The following TOX3 variants were observed in gnomAD, a reference collection of about 807,000 sequenced individuals.
TOX3 encodes the protein TOX high mobility group box family member 3.
Under a neutral mutation model 64.3 loss-of-function variants are expected in TOX3, and 22 were observed. The ratio of observed to expected loss-of-function variants is 0.34; its 90% confidence interval spans 0.24 to 0.49. TOX3 has a LOEUF of 0.49. Ranked by LOEUF, TOX3 falls within the 20% of genes least tolerant of loss-of-function variation. TOX3 has a pLI of 0.99. For missense variants in TOX3, 661 were observed against 714.4 expected, an observed-to-expected ratio of 0.93 and a Z score of 0.85; for synonymous variants, 291 against 273.6, an observed-to-expected ratio of 1.06 and a Z score of -0.63.
rs143194771 is a variant in TOX3 at position 52,506,564 on chromosome 16, G to T, written c.88-37990C>A. On this transcript the variant is annotated intron_variant, in intron 1 of 6. Coordinates refer to ENST00000219746, the MANE Select transcript of TOX3 (RefSeq NM_001080430.4). ...TTAAAGAAGGGGGGTTTCTAGACAG[G>T]AATAGAACCCACAGAGTCATGGAAG... Among the ~76,000 whole-genome samples, 914 of 152,074 alleles carry T rather than the reference G, an allele frequency of 6.0e-3. 7 individuals are homozygous for T. The highest frequency in any genetic ancestry group is 0.02 in the African/African-American group (822 of 41,474).
intron 1 of TOX3, among the ~76,000 whole-genome samples, chr16:52,503,932 T>A (rs1274861062): frequency 6.6e-6 from 1 of 152,208 alleles, no homozygotes. Context: ...GCTTTATCAT[T>A]GTTTGTAAAA....
intron 1 of TOX3, among the ~76,000 whole-genome samples, chr16:52,534,458 T>C (rs781660151): frequency 6.6e-6 from 1 of 151,996 alleles, no homozygotes; most frequent in Non-Finnish European, 1.5e-5. Context: ...GTCAACATAG[T>C]GAGACCCCAT....
At chr16:52,493,493 T>C (rs1567334096) in intron 1 of TOX3, among the ~76,000 whole-genome samples, 1 of 152,190 alleles carries the variant, frequency 6.6e-6, no homozygotes, top group Non-Finnish European at 1.5e-5. Flanking sequence ...AGCAATAAGG[T>C]ACATTTTATG....
intron 1 of TOX3, among the ~76,000 whole-genome samples, chr16:52,491,065 T>C (rs946355918): frequency 6.6e-6 from 1 of 152,180 alleles, no homozygotes; most frequent in African/African-American, 2.4e-5. Flanking sequence ...ACTTCCACAG[T>C]TACCCACAGC....
chr16:52,488,531 T>C (rs1319766933), intron 1 of TOX3, among the ~76,000 whole-genome samples: 2 of 152,212 alleles, frequency 1.3e-5, no homozygotes, highest in African/African-American at 4.8e-5. Flanking sequence ...AAGAAGTGTT[T>C]GGATGCAATT....
chr16:52,473,444 C>T (rs1419045964), intron 1 of TOX3, among the ~76,000 whole-genome samples: 2 of 152,182 alleles, frequency 1.3e-5, no homozygotes, highest in Admixed American at 6.5e-5. Flanking sequence ...CAACTTGATG[C>T]CTCACTATGG....
At chr16:52,457,020 A>G (rs1365352949) in intron 3 of TOX3, among the ~76,000 whole-genome samples, 1 of 152,254 alleles carries the variant, frequency 6.6e-6, no homozygotes, top group East Asian at 1.9e-4. Context: ...TTTGTACTTC[A>G]TATGAAGATA....
intron 1 of TOX3, among the ~76,000 whole-genome samples, chr16:52,543,913 T>G (rs1234601847): frequency 6.6e-6 from 1 of 152,152 alleles, no homozygotes; most frequent in Admixed American, 6.5e-5. Context: ...TGGTCATTTG[T>G]TAAAGAGAGT....
intron 3 of TOX3, 28 bp from the exon 4 acceptor site, chr16:52,450,574 A>T: frequency 1.9e-6 from 3 of 1,612,524 alleles, no homozygotes; most frequent in Non-Finnish European, 2.5e-6. Flanking sequence ...AAGGGGGAAA[A>T]TATTTCAGCT....
chr16:52,452,733 A>G (rs893621773), intron 3 of TOX3, among the ~76,000 whole-genome samples: 1 of 152,198 alleles, frequency 6.6e-6, no homozygotes, highest in Admixed American at 6.5e-5. Flanking sequence ...AAAACACTTT[A>G]ATCAGAAAAA....
At chr16:52,475,837 C>T (rs1215388156) in intron 1 of TOX3, among the ~76,000 whole-genome samples, 3 of 152,114 alleles carry the variant, frequency 2.0e-5, no homozygotes, top group African/African-American at 4.8e-5. Context: ...GCGCATTACC[C>T]GCTCCCCACT....
chr16:52,484,386 T>C (rs1311376174), intron 1 of TOX3, among the ~76,000 whole-genome samples: 3 of 152,186 alleles, frequency 2.0e-5, no homozygotes, highest in African/African-American at 7.2e-5. Flanking sequence ...TGCTTTTCTA[T>C]GCTTTCCAGG....
chr16:52,509,361 C>A (rs1962241819), intron 1 of TOX3, among the ~76,000 whole-genome samples: 2 of 152,152 alleles, frequency 1.3e-5, no homozygotes, highest in African/African-American at 4.8e-5. Flanking sequence ...TAACCTCTGA[C>A]AATTATGCAT....
chr16:52,467,878 G>T (rs1377642203), intron 2 of TOX3, among the ~76,000 whole-genome samples: 1 of 152,134 alleles, frequency 6.6e-6, no homozygotes, highest in Non-Finnish European at 1.5e-5. Context: ...GCTGCATTTT[G>T]ATTCCATCAC....
intron 4 of TOX3, among the ~76,000 whole-genome samples, chr16:52,449,983 A>G (rs955702236): frequency 1.3e-5 from 2 of 152,236 alleles, no homozygotes; most frequent in African/African-American, 2.4e-5. Context: ...AATTTGTAGC[A>G]GGGAGTCCAA....
chr16:52,440,011 A>C (rs1040829122), intron 6 of TOX3, 43 bp from the exon 7 acceptor site: 1 of 1,434,442 alleles, frequency 7.0e-7, no homozygotes, highest in Non-Finnish European at 9.3e-7. Context: ...ACAACACATA[A>C]GTATTTAAAA....
intron 5 of TOX3, 142 bp from the exon 6 acceptor site, chr16:52,444,498 T>TAC: frequency 1.8e-5 from 6 of 324,958 alleles, no homozygotes; most frequent in South Asian, 1.1e-4. Flanking sequence ...TGTTAGCGCA[T>TAC]GCACACACAC....
intron 1 of TOX3, among the ~76,000 whole-genome samples, chr16:52,520,434 T>TA (rs1962579365): frequency 6.6e-6 from 1 of 152,204 alleles, no homozygotes; most frequent in Non-Finnish European, 1.5e-5. Flanking sequence ...TTAGGTGTTA[T>TA]GTTTGTTCTG....
chr16:52,459,393 A>C (rs1596788932), intron 3 of TOX3, among the ~76,000 whole-genome samples: 1 of 152,328 alleles, frequency 6.6e-6, no homozygotes, highest in East Asian at 1.9e-4. Flanking sequence ...TTGAAGGTTA[A>C]TATATGGCTT....
Sources: gnomAD v4.1 joint callset for allele counts (sites outside exome capture counted in the v4.1 genomes callset) on GRCh38, gnomAD v4.1.1 for gene constraint, MANE v1.5 for transcripts, NCBI Gene and HGNC (gene_info 2026-07-23, HGNC 2026-07-21) for gene names.